PPP3CA: variants seen among roughly 807,000 people sequenced by gnomAD.
The protein encoded by PPP3CA is CAM-PRP catalytic subunit.
Under a neutral mutation model 66.5 loss-of-function variants are expected in PPP3CA, and 14 were observed. That is an observed-to-expected ratio of 0.21 (90% confidence interval 0.14 to 0.33). The LOEUF (loss-of-function observed/expected upper bound fraction) is 0.33. Ranked by LOEUF, PPP3CA falls within the 10% of genes least tolerant of loss-of-function variation. The probability of loss-of-function intolerance (pLI) is 1.00; values close to 1 mark genes in which losing one functional copy is unlikely to be tolerated. For synonymous variants in PPP3CA, 232 were observed against 226.2 expected (o/e 1.03, Z -0.23); for missense variants, 317 against 639.5 (o/e 0.50, Z 5.44).
At chr4:101,315,732 G>C (rs1728864806) in intron 1 of PPP3CA, among the ~76,000 whole-genome samples, 1 of 152,168 alleles carries the variant, frequency 6.6e-6, no homozygotes, top group East Asian at 1.9e-4. Context: ...CCTATAGTTT[G>C]GCAATTCCAC....
intron 1 of PPP3CA, among the ~76,000 whole-genome samples, chr4:101,197,617 T>C (rs1216138492): frequency 6.6e-6 from 1 of 152,186 alleles, no homozygotes; most frequent in Non-Finnish European, 1.5e-5. Flanking sequence ...CTAGAGTAAA[T>C]AGTAACAGTA....
intron 2 of PPP3CA, among the ~76,000 whole-genome samples, chr4:101,172,645 A>G (rs1723923519): frequency 6.6e-6 from 1 of 151,996 alleles, no homozygotes; most frequent in Non-Finnish European, 1.5e-5. Context: ...CCCTTCTCTA[A>G]TGAGTCTTAG....
At chr4:101,122,899 C>A (rs1347459201) in intron 2 of PPP3CA, among the ~76,000 whole-genome samples, 1 of 152,132 alleles carries the variant, frequency 6.6e-6, no homozygotes, top group Admixed American at 6.6e-5. Flanking sequence ...AGGTTTGCTG[C>A]ATTACTACAG....
intron 2 of PPP3CA, among the ~76,000 whole-genome samples, chr4:101,184,660 T>G (rs1187768724): frequency 6.6e-6 from 1 of 152,200 alleles, no homozygotes; most frequent in African/African-American, 2.4e-5. Flanking sequence ...TTTAAAATTA[T>G]ACATGTAGCT....
chr4:101,062,423 C>A (rs1431686105), intron 9 of PPP3CA, among the ~76,000 whole-genome samples: 1 of 151,962 alleles, frequency 6.6e-6, no homozygotes, highest in Non-Finnish European at 1.5e-5. Context: ...CTCTGATACT[C>A]CTCATAGAAC....
rs188844955 is a variant in PPP3CA, at chr4:101,179,640, C to T, written c.259+16276G>A. 1.6e-3 allele frequency among the ~76,000 whole-genome samples: 248 copies of T among 152,224 alleles called. 2 individuals carry two copies. The highest frequency in any genetic ancestry group is 5.6e-3 in the African/African-American group (232 of 41,548). ...ACTGCCATCAAGGTGACACCAGTGA[C>T]TTCATGCTAAGAGCAACTGGACAAT... On this transcript the variant is annotated intron_variant, in intron 2 of 13. Coordinates refer to ENST00000394854, the MANE Select transcript of PPP3CA (RefSeq NM_000944.5).
chr4:101,027,258 G>A (rs887313328), intron 13 of PPP3CA, among the ~76,000 whole-genome samples: 12 of 139,796 alleles, frequency 8.6e-5, no homozygotes, highest in African/African-American at 2.5e-4. Flanking sequence ...CCTTATTTGG[G>A]GGGGAAAAAA....
intron 2 of PPP3CA, among the ~76,000 whole-genome samples, chr4:101,129,893 T>G (rs561926605): frequency 1.3e-5 from 2 of 152,258 alleles, no homozygotes; most frequent in Admixed American, 6.5e-5. Context: ...GGATGGAGAA[T>G]GAGTTTGACC....
Position 101,290,179 on chromosome 4 carries a change from G to C in PPP3CA, c.58+56560C>G, listed in dbSNP as rs145206023. Among the ~76,000 whole-genome samples, 776 of 152,256 alleles carry C rather than the reference G, an allele frequency of 5.1e-3. 5 individuals carry two copies. The highest frequency in any genetic ancestry group is 0.018 in the African/African-American group (738 of 41,540). ...GCAGCTAGCAAAAATCTTGAAAATAGTAATTTCTCTAAAGGATATAACTGT... is the reference window on the plus strand; with the variant it reads ...GCAGCTAGCAAAAATCTTGAAAATACTAATTTCTCTAAAGGATATAACTGT... On this transcript the variant is annotated intron_variant, in intron 1 of 13. Coordinates refer to ENST00000394854, the MANE Select transcript of PPP3CA (RefSeq NM_000944.5).
chr4:101,038,077 T>C (rs895791005), intron 11 of PPP3CA, among the ~76,000 whole-genome samples: 18 of 152,170 alleles, frequency 1.2e-4, no homozygotes, highest in African/African-American at 4.1e-4. Context: ...CCTGTGTCGA[T>C]GATTGTCAAA....
At chr4:101,305,060 T>C (rs1374664529) in intron 1 of PPP3CA, among the ~76,000 whole-genome samples, 1 of 152,200 alleles carries the variant, frequency 6.6e-6, no homozygotes, top group Non-Finnish European at 1.5e-5. Context: ...TCAAAGATGC[T>C]GGGGAGACAT....
At chr4:101,058,484 A>T (rs1458270833) in intron 10 of PPP3CA, among the ~76,000 whole-genome samples, 1 of 152,060 alleles carries the variant, frequency 6.6e-6, no homozygotes, top group Non-Finnish European at 1.5e-5. Flanking sequence ...GGTAGGACAA[A>T]ATTTCTCTGC....
intron 10 of PPP3CA, among the ~76,000 whole-genome samples, chr4:101,041,463 C>G (rs1479752059): frequency 1.8e-5 from 2 of 112,126 alleles, no homozygotes; most frequent in Non-Finnish European, 3.3e-5. Flanking sequence ...GAGACAGAGT[C>G]TCGCTCTGTC....
At chr4:101,328,924 G>A (rs1306990675) in intron 1 of PPP3CA, among the ~76,000 whole-genome samples, 1 of 151,902 alleles carries the variant, frequency 6.6e-6, no homozygotes, top group South Asian at 2.1e-4. Flanking sequence ...ATCTCTCTCT[G>A]TCTCTCCTTG....
At chr4:101,061,302 G>T in intron 9 of PPP3CA, 141 bp from the exon 10 acceptor site, 1 of 673,934 alleles carries the variant, frequency 1.5e-6, no homozygotes, top group Non-Finnish European at 2.6e-6. Context: ...TAAACATCCA[G>T]ATCATAAAAG....
intron 8 of PPP3CA, among the ~76,000 whole-genome samples, chr4:101,071,190 G>A (rs1728903051): frequency 6.6e-6 from 1 of 152,106 alleles, no homozygotes; most frequent in South Asian, 2.1e-4. Flanking sequence ...TGAAACTGGT[G>A]TTATCACTAC....
At chr4:101,285,650 TG>T (rs2110283058) in intron 1 of PPP3CA, among the ~76,000 whole-genome samples, 1 of 148,114 alleles carries the variant, frequency 6.8e-6, no homozygotes, top group South Asian at 2.1e-4. Flanking sequence ...TGTGTGTGTG[TG>T]TGTTTTCTAA....
At chr4:101,256,526 C>G (rs1726847913) in intron 1 of PPP3CA, among the ~76,000 whole-genome samples, 1 of 151,974 alleles carries the variant, frequency 6.6e-6, no homozygotes, top group African/African-American at 2.4e-5. Flanking sequence ...ATTTGGCTAG[C>G]AAGGCTGCCT....
At chr4:101,175,285 G>C (rs1724023476) in intron 2 of PPP3CA, among the ~76,000 whole-genome samples, 1 of 152,174 alleles carries the variant, frequency 6.6e-6, no homozygotes, top group South Asian at 2.1e-4. Flanking sequence ...TTAGAACTTA[G>C]GGGCTGACCT....
Sources: allele counts gnomAD v4.1 joint callset (sites outside exome capture counted in the v4.1 genomes callset), GRCh38; gene constraint gnomAD v4.1.1; transcripts MANE v1.5; gene names NCBI Gene and HGNC (gene_info 2026-07-23, HGNC 2026-07-21).